Variants in KCMF1 observed in about 807,000 individuals in gnomAD.
KCMF1 encodes potassium channel modulatory factor 1.
A neutral mutation model predicts 41.1 loss-of-function variants in KCMF1; 3 were observed. That is an observed-to-expected ratio of 0.07 (90% confidence interval 0.03 to 0.19). The LOEUF is 0.19. KCMF1 is among the 10% of genes least tolerant of loss of function. The pLI is 1.00. For synonymous variants in KCMF1, 142 were observed against 164.5 expected (o/e 0.86, Z 1.04); for missense variants, 286 against 488.9 (o/e 0.58, Z 3.91).
chr2:84,988,547 C>G (rs760808608), intron 1 of KCMF1, among the ~76,000 whole-genome samples: 2 of 152,162 alleles, frequency 1.3e-5, no homozygotes, highest in Non-Finnish European at 2.9e-5. Context: ...GGGTTCTTAA[C>G]ATTAAGCTCT....
chr2:85,002,511 T>G (rs989261181), intron 1 of KCMF1, among the ~76,000 whole-genome samples: 1 of 152,238 alleles, frequency 6.6e-6, no homozygotes, highest in Non-Finnish European at 1.5e-5. Context: ...TTTTTCCTAA[T>G]GTTAATAGTT....
intron 1 of KCMF1, among the ~76,000 whole-genome samples, chr2:84,983,383 G>A (rs906764547): frequency 7.2e-5 from 11 of 151,862 alleles, no homozygotes; most frequent in Non-Finnish European, 1.5e-4. Context: ...CTGGAGTGTG[G>A]GGGTGTGATC....
rs191810484 is a variant in KCMF1, at chr2:85,049,379, G to A, written c.615G>A (p.Gln205=). 637 of 1,613,094 alleles carry A rather than the reference G, an allele frequency of 3.9e-4. No individual in the cohort carries two copies. Among genetic ancestry groups the A allele is most frequent in the Non-Finnish European group, 5.1e-4 (597 of 1,179,198 alleles). ...TTCCATTGGCAGAGCTTTTATCTCA[G>A]TTATCAGGAGTGAGACGTTCTGCAG... is the stretch of plus-strand genomic sequence containing the variant. ...AMDPIAELLS[Q]LSGVRRSAGG... The change falls in exon 6 of 7, where the codon CAG becomes CAA. Residue 205 remains glutamine (Q), a synonymous_variant. Transcript: ENST00000409785.
chr2:85,026,459 T>TTTATTA (rs35093562), intron 1 of KCMF1, among the ~76,000 whole-genome samples: 10,079 of 139,264 alleles, frequency 0.072, 415 homozygotes, highest in Middle Eastern at 0.096. Flanking sequence ...CTTTCTTTCC[T>TTTATTA]TTATTATTAT....
At chr2:85,047,704 A>G (rs1224878813) in intron 5 of KCMF1, among the ~76,000 whole-genome samples, 1 of 152,108 alleles carries the variant, frequency 6.6e-6, no homozygotes, top group African/African-American at 2.4e-5. Context: ...ATAAAATACA[A>G]GAAATCACTG....
intron 1 of KCMF1, among the ~76,000 whole-genome samples, chr2:85,006,111 T>A (rs751514890): frequency 6.6e-6 from 1 of 152,070 alleles, no homozygotes; most frequent in African/African-American, 2.4e-5. Flanking sequence ...CCCATTGTTA[T>A]ATTTGTTACC....
At chr2:84,980,203 G>T (rs1673670416) in intron 1 of KCMF1, among the ~76,000 whole-genome samples, 1 of 152,086 alleles carries the variant, frequency 6.6e-6, no homozygotes, top group South Asian at 2.1e-4. Context: ...GTTTCCTAAA[G>T]GAACATATTA....
chr2:85,020,208 A>G (rs754720246), intron 1 of KCMF1, among the ~76,000 whole-genome samples: 3 of 152,196 alleles, frequency 2.0e-5, no homozygotes, highest in Non-Finnish European at 2.9e-5. Context: ...CACCTCAGAA[A>G]GAAAAGGCAG....
chr2:85,027,817 G>A (rs766698434), intron 1 of KCMF1, 72 bp from the exon 2 acceptor site: 2 of 933,656 alleles, frequency 2.1e-6, no homozygotes, highest in African/African-American at 1.7e-5. Context: ...ATGAGCACCT[G>A]AAACATTCAT....
intron 1 of KCMF1, among the ~76,000 whole-genome samples, chr2:84,998,136 A>G (rs1460112997): frequency 6.6e-6 from 1 of 151,504 alleles, no homozygotes; most frequent in Non-Finnish European, 1.5e-5. Context: ...TTGTTGCCCA[A>G]GCTGGAGTGC....
At chr2:85,001,062 A>G (rs1674315272) in intron 1 of KCMF1, among the ~76,000 whole-genome samples, 1 of 151,380 alleles carries the variant, frequency 6.6e-6, no homozygotes, top group South Asian at 2.1e-4. Context: ...CCTGGTCTCA[A>G]GTGATCTTCC....
chr2:85,034,217 A>T (rs1675354065), intron 2 of KCMF1, among the ~76,000 whole-genome samples: 1 of 152,062 alleles, frequency 6.6e-6, no homozygotes, highest in Admixed American at 6.6e-5. Flanking sequence ...GTAGTATCTT[A>T]AGTTAGCATT....
Position 85,042,566 on chromosome 2 carries a change from A to G in KCMF1, c.325-998A>G, listed in dbSNP as rs181080101. On this transcript the variant is annotated intron_variant, in intron 3 of 6. Coordinates refer to ENST00000409785, the MANE Select transcript of KCMF1 (RefSeq NM_020122.5). ...TTAACCTTCTTATTTATGGATAAAG[A>G]CACAAGTCTACAACTTGAACTGTGC... Among the ~76,000 whole-genome samples, 19 of 152,338 alleles carry G rather than the reference A, an allele frequency of 1.2e-4. No individual in the cohort carries two copies. The East Asian group carries it at 3.5e-3, about 28-fold the overall frequency.
rs1350670665 is a variant in KCMF1 at position 85,057,314 on chromosome 2, T to C, written c.*3905T>C. ...TCAACTAGACACTAAAACAGTTCTC[T>C]CCTTGAGACCGGAAGTGGGATGGGG... On this transcript the variant is annotated 3_prime_UTR_variant, in exon 7 of 7. Transcript: ENST00000409785. 1 of 152,172 alleles carries C rather than the reference T, an allele frequency of 6.6e-6. No individual in the cohort carries two copies. The highest frequency in any genetic ancestry group is 6.5e-5 in the Admixed American group (1 of 15,284). 9.4% of individuals were successfully genotyped at this position (152,172 alleles called of 1,614,324 possible).
intron 1 of KCMF1, among the ~76,000 whole-genome samples, chr2:84,973,288 T>C (rs1375146006): frequency 2.0e-5 from 3 of 152,206 alleles, no homozygotes; most frequent in Non-Finnish European, 4.4e-5. Flanking sequence ...CCCCCAGTGC[T>C]CTGTTAGAGT....
chr2:84,992,884 T>C (rs1008607179), intron 1 of KCMF1, among the ~76,000 whole-genome samples: 5 of 152,150 alleles, frequency 3.3e-5, no homozygotes, highest in African/African-American at 4.8e-5. Context: ...CCTCCCAAAG[T>C]GCTGAGATTA....
In KCMF1 at chr2:85,059,379, G is replaced by A. The variant is rs547305594; in HGVS notation, c.*5970G>A. Reference sequence around the variant, plus strand: ...TTGTATCAGGCTCCGAGACTAATTTGTACTGAACCCTTGATATAGATTACC... The same window carrying A: ...TTGTATCAGGCTCCGAGACTAATTTATACTGAACCCTTGATATAGATTACC... On this transcript the variant is annotated 3_prime_UTR_variant, in exon 7 of 7. Transcript: ENST00000409785. 1 of 152,218 alleles carries A rather than the reference G, an allele frequency of 6.6e-6. No individual in the cohort carries two copies. The highest frequency in any genetic ancestry group is 2.4e-5 in the African/African-American group (1 of 41,562). 9.4% of individuals were successfully genotyped at this position (152,218 alleles called of 1,614,324 possible). A position where few individuals can be genotyped will look rare whatever the true frequency, so the allele number is the denominator to read the frequency against.
chr2:85,009,516 C>A (rs1002918515), intron 1 of KCMF1, among the ~76,000 whole-genome samples: 7 of 152,094 alleles, frequency 4.6e-5, no homozygotes, highest in African/African-American at 1.7e-4. Flanking sequence ...CTGGCAATTC[C>A]TATTCTCTGT....
intron 5 of KCMF1, among the ~76,000 whole-genome samples, chr2:85,049,070 T>G (rs1192716932): frequency 6.6e-6 from 1 of 152,256 alleles, no homozygotes; most frequent in Non-Finnish European, 1.5e-5. Context: ...CATTAAATAC[T>G]AAGAGAAAGC....
Sources: allele counts gnomAD v4.1 joint callset (sites outside exome capture counted in the v4.1 genomes callset), GRCh38; gene constraint gnomAD v4.1.1; transcripts MANE v1.5; gene names NCBI Gene and HGNC (gene_info 2026-07-23, HGNC 2026-07-21).